The following ELMO1 variants were observed in gnomAD, a reference collection of about 807,000 sequenced individuals.
The protein encoded by ELMO1 is engulfment and cell motility 1, also known as engulfment and cell motility protein 1.
Under a neutral mutation model 98.9 loss-of-function variants are expected in ELMO1, and 26 were observed. The observed-to-expected ratio is 0.26, with a 90% confidence interval of 0.19 to 0.36. ELMO1 has a LOEUF of 0.36. Ranked by LOEUF, ELMO1 falls within the 10% of genes least tolerant of loss-of-function variation. ELMO1 has a pLI of 1.00. For missense variants in ELMO1, 627 were observed against 935.2 expected, an observed-to-expected ratio of 0.67 and a Z score of 4.30; for synonymous variants, 346 against 346.0, an observed-to-expected ratio of 1.00 and a Z score of 0.00.
At chr7:36,968,730 C>T (rs1318941675) in intron 16 of ELMO1, among the ~76,000 whole-genome samples, 2 of 151,812 alleles carry the variant, frequency 1.3e-5, no homozygotes, top group African/African-American at 4.8e-5. Context: ...TTTATTGATT[C>T]TATTATTTCT....
At chr7:37,116,593 T>C (rs1233713081) in intron 14 of ELMO1, among the ~76,000 whole-genome samples, 4 of 151,948 alleles carry the variant, frequency 2.6e-5, no homozygotes, top group Non-Finnish European at 5.9e-5. Flanking sequence ...CAACTACATA[T>C]AGTTCACTAT....
intron 18 of ELMO1, among the ~76,000 whole-genome samples, chr7:36,879,258 T>C (rs559501303): frequency 3.3e-4 from 51 of 152,300 alleles, no homozygotes; most frequent in African/African-American, 1.2e-3. Flanking sequence ...GTCTGACACA[T>C]AAAAGTTGCA....
intron 1 of ELMO1, among the ~76,000 whole-genome samples, chr7:37,410,433 T>A (rs1406667451): frequency 6.6e-6 from 1 of 152,210 alleles, no homozygotes; most frequent in African/African-American, 2.4e-5. Context: ...TCTTCATGTC[T>A]TTCTCTCCAA....
At chr7:36,904,494 A>C (rs989635892) in intron 16 of ELMO1, among the ~76,000 whole-genome samples, 23 of 152,104 alleles carry the variant, frequency 1.5e-4, no homozygotes, top group African/African-American at 5.6e-4. Context: ...CTAGTTATGC[A>C]ATGTCTTACC....
intron 4 of ELMO1, among the ~76,000 whole-genome samples, chr7:37,275,590 C>T (rs750767369): frequency 3.2e-4 from 48 of 152,126 alleles, no homozygotes; most frequent in Admixed American, 1.4e-3. Context: ...AGGAAACGGA[C>T]GCAGGCACTG....
intron 16 of ELMO1, among the ~76,000 whole-genome samples, chr7:36,941,146 A>T (rs1172105269): frequency 6.6e-6 from 1 of 152,230 alleles, no homozygotes; most frequent in African/African-American, 2.4e-5. Context: ...TAAAAGAATA[A>T]ATTGATTTCT....
intron 16 of ELMO1, among the ~76,000 whole-genome samples, chr7:36,907,287 T>C (rs967518393): frequency 6.6e-6 from 1 of 152,200 alleles, no homozygotes; most frequent in Admixed American, 6.5e-5. Flanking sequence ...GTACCAATGT[T>C]CTGCTGTATT....
At chr7:37,377,543 G>A (rs1802403486) in intron 1 of ELMO1, among the ~76,000 whole-genome samples, 1 of 152,114 alleles carries the variant, frequency 6.6e-6, no homozygotes, top group Admixed American at 6.5e-5. Context: ...AGACAGAGCA[G>A]GTCACTGGGG....
chr7:37,233,234 A>G (rs1468684799), intron 7 of ELMO1, 40 bp from the exon 8 acceptor site: 2 of 1,555,624 alleles, frequency 1.3e-6, no homozygotes, highest in African/African-American at 2.8e-5. Context: ...AGAGCCCCAA[A>G]GCTGAGCAAA....
chr7:37,119,707 T>G (rs931693054), intron 14 of ELMO1, among the ~76,000 whole-genome samples: 3 of 152,244 alleles, frequency 2.0e-5, no homozygotes, highest in African/African-American at 7.2e-5. Flanking sequence ...TTACAAATAT[T>G]TGTCTTCTGA....
chr7:36,988,909 T>A (rs1272852719), intron 16 of ELMO1, among the ~76,000 whole-genome samples: 1 of 152,144 alleles, frequency 6.6e-6, no homozygotes, highest in Non-Finnish European at 1.5e-5. Flanking sequence ...TCCTTGCCCA[T>A]CCTAACACAC....
At chr7:37,182,462 CTTT>C (rs59657539) in intron 13 of ELMO1, among the ~76,000 whole-genome samples, 930 of 14,674 alleles carry the variant, frequency 0.063, 108 homozygotes, top group Middle Eastern at 0.31. Flanking sequence ...TTGTGCTCTA[CTTT>C]TTTTTTTTTT....
Position 36,855,608 on chromosome 7 carries a change from T to C in ELMO1, c.2127A>G (p.Ala709=), listed in dbSNP as rs964094394. The C allele has an allele frequency of 6.2e-7, 1 of 1,613,936 alleles. No individual in the cohort carries two copies. Among genetic ancestry groups the C allele is most frequent in the Non-Finnish European group, 8.5e-7 (1 of 1,179,932 alleles). The part of the protein sequence containing the change: ...LDLENIQIPD[A]PPPIPKEPSN... ...TGGGCTCCTTGGGAATCGGCGGAGGTGCGTCAGGGATCTGGATGTTTTCCA... is the reference window on the plus strand; with the variant it reads ...TGGGCTCCTTGGGAATCGGCGGAGGCGCGTCAGGGATCTGGATGTTTTCCA... Residue 709 remains alanine, a synonymous_variant, in exon 22 of 22, where the codon GCA becomes GCG. Transcript: ENST00000310758. This position sits in a 1 kb window ranked among gnomAD's most constrained non-coding sequence, Gnocchi z 4.2.
At chr7:37,096,902 TC>T (rs956052813) in intron 14 of ELMO1, among the ~76,000 whole-genome samples, 175 bp from the exon 15 acceptor site, 9 of 152,158 alleles carry the variant, frequency 5.9e-5, no homozygotes, top group South Asian at 4.2e-4. Context: ...GTCTCATTTA[TC>T]CCCCCCAAAT....
At chr7:37,212,922 C>G (rs1378611082) in intron 12 of ELMO1, among the ~76,000 whole-genome samples, 2 of 152,132 alleles carry the variant, frequency 1.3e-5, no homozygotes, top group Admixed American at 6.6e-5. Context: ...GGACCCTGCT[C>G]TTGGCACTGA....
intron 15 of ELMO1, among the ~76,000 whole-genome samples, chr7:37,045,602 A>G (rs1795752261): frequency 6.6e-6 from 1 of 152,230 alleles, no homozygotes; most frequent in Non-Finnish European, 1.5e-5. Context: ...GTAGAGAGGA[A>G]GTAAAAATAC....
chr7:37,321,716 C>CAAAA (rs565421716), intron 2 of ELMO1, among the ~76,000 whole-genome samples: 39 of 66,076 alleles, frequency 5.9e-4, no homozygotes, highest in Admixed American at 8.3e-4. Context: ...GACTCCGTCT[C>CAAAA]AAAAAAAAAA....
chr7:37,385,539 C>T (rs1802763986), intron 1 of ELMO1, among the ~76,000 whole-genome samples: 1 of 152,218 alleles, frequency 6.6e-6, no homozygotes, highest in Non-Finnish European at 1.5e-5. Context: ...TCCCACTCCA[C>T]TCCCCTGTTT....
chr7:37,086,022 G>A (rs944228610), intron 15 of ELMO1, among the ~76,000 whole-genome samples: 3 of 152,224 alleles, frequency 2.0e-5, no homozygotes, highest in Admixed American at 6.5e-5. Flanking sequence ...CCGTTGACCT[G>A]CTTTGGGAAG....
Sources: gnomAD v4.1 joint callset for allele counts (sites outside exome capture counted in the v4.1 genomes callset) on GRCh38, gnomAD v4.1.1 for gene constraint, Gnocchi (gnomAD v3.1) non-coding constraint, MANE v1.5 for transcripts, NCBI Gene and HGNC (gene_info 2026-07-23, HGNC 2026-07-21) for gene names.